The following NAV2 variants were observed in gnomAD, a reference collection of about 807,000 sequenced individuals.
The protein encoded by NAV2 is helicase, APC down-regulated 1.
NAV2 carries 54 observed loss-of-function variants against 223.2 expected under a neutral mutation model. That is an observed-to-expected ratio of 0.24 (90% CI 0.19 to 0.30). The LOEUF (loss-of-function observed/expected upper bound fraction) is 0.30, where lower values mean the gene tolerates loss of function less well. NAV2 is among the 10% of genes least tolerant of loss of function. The probability of loss-of-function intolerance (pLI) is 1.00; values close to 1 mark genes in which losing one functional copy is unlikely to be tolerated. For synonymous variants in NAV2, 1,279 were observed against 1,239.3 expected (o/e 1.03, Z -0.67); for missense variants, 2,806 against 3,147.5 (o/e 0.89, Z 2.60).
chr11:19,535,675 G>A (rs1405385298), intron 1 of NAV2, among the ~76,000 whole-genome samples: 1 of 152,080 alleles, frequency 6.6e-6, no homozygotes, highest in Non-Finnish European at 1.5e-5. Flanking sequence ...TGATCACAGG[G>A]TCTCATCATT....
At chr11:19,391,612 G>A (rs991794891) in intron 1 of NAV2, among the ~76,000 whole-genome samples, 8 of 152,060 alleles carry the variant, frequency 5.3e-5, no homozygotes, top group Non-Finnish European at 1.0e-4. Flanking sequence ...TTTAAATTTG[G>A]GTGTTGCTAG....
chr11:19,663,629 T>C (rs1291387857), intron 1 of NAV2, among the ~76,000 whole-genome samples: 5 of 152,144 alleles, frequency 3.3e-5, no homozygotes, highest in Non-Finnish European at 7.4e-5. Context: ...TTTTTCCAGC[T>C]CTCATTGCTT....
At chr11:19,622,608 A>G (rs1157071486) in intron 1 of NAV2, among the ~76,000 whole-genome samples, 1 of 151,668 alleles carries the variant, frequency 6.6e-6, no homozygotes, top group Non-Finnish European at 1.5e-5. Flanking sequence ...TTTGTTTTCC[A>G]TTTGCTTGGT....
intron 1 of NAV2, among the ~76,000 whole-genome samples, chr11:19,446,502 G>A (rs1313282497): frequency 6.6e-6 from 1 of 152,148 alleles, no homozygotes; most frequent in Non-Finnish European, 1.5e-5. Flanking sequence ...CTGCCTCAGT[G>A]GGCAGCTCTC....
At chr11:19,676,668 G>T (rs2048720341) in intron 1 of NAV2, among the ~76,000 whole-genome samples, 1 of 152,202 alleles carries the variant, frequency 6.6e-6, no homozygotes, top group Non-Finnish European at 1.5e-5. Context: ...GGAGGCATCT[G>T]CTGGGTAGAA....
intron 1 of NAV2, among the ~76,000 whole-genome samples, chr11:19,810,732 C>T (rs1309168861): frequency 6.6e-6 from 1 of 152,184 alleles, no homozygotes; most frequent in Non-Finnish European, 1.5e-5. Flanking sequence ...TGTTAATAAA[C>T]ACACCTGGGC....
At chr11:19,902,750 A>G (rs1482673711) in intron 6 of NAV2, among the ~76,000 whole-genome samples, 1 of 152,210 alleles carries the variant, frequency 6.6e-6, no homozygotes, top group Non-Finnish European at 1.5e-5. Context: ...TCAAGCTCTC[A>G]TCTGTAGTCA....
chr11:19,888,482 G>A (rs529588026), intron 5 of NAV2, among the ~76,000 whole-genome samples: 11 of 152,272 alleles, frequency 7.2e-5, no homozygotes, highest in Admixed American at 2.6e-4. Flanking sequence ...TGATACACAA[G>A]GATGTTACCA....
chr11:19,673,969 C>T (rs540275994), intron 1 of NAV2, among the ~76,000 whole-genome samples: 11 of 152,282 alleles, frequency 7.2e-5, no homozygotes, highest in Non-Finnish European at 1.5e-4. Flanking sequence ...TGGGGCCAGG[C>T]GCCTCCTCCA....
chr11:19,976,125 C>A (rs2049718453), intron 10 of NAV2, among the ~76,000 whole-genome samples: 1 of 152,192 alleles, frequency 6.6e-6, no homozygotes, highest in African/African-American at 2.4e-5. Context: ...ACTCCTGGAT[C>A]ATCTGTGCTC....
At chr11:19,459,123 AT>A (rs903890443) in intron 1 of NAV2, among the ~76,000 whole-genome samples, 8 of 152,190 alleles carry the variant, frequency 5.3e-5, no homozygotes, top group African/African-American at 1.9e-4. Flanking sequence ...TTATAAGGAA[AT>A]TTCCAGTTGT....
At chr11:19,778,541 A>C (rs1167054628) in intron 1 of NAV2, among the ~76,000 whole-genome samples, 1 of 152,172 alleles carries the variant, frequency 6.6e-6, no homozygotes, top group Non-Finnish European at 1.5e-5. Flanking sequence ...AAACAAAAAG[A>C]AAGAAAGAAA....
intron 5 of NAV2, among the ~76,000 whole-genome samples, chr11:19,883,091 A>T (rs12279477): frequency 1.3e-5 from 2 of 152,124 alleles, no homozygotes; most frequent in African/African-American, 2.4e-5. Context: ...TTAATGTCAA[A>T]TGTTGATGCA....
At position 19,494,676 on chromosome 11, in the gene NAV2, C is replaced by T. The variant is rs569261318; in HGVS notation, c.75+143649C>T. On this transcript the variant is annotated intron_variant, in intron 1 of 37. Coordinates refer to the NAV2 transcript ENST00000360655. ...TTATAAGGATACAAAGACCCCACCC[C>T]GGGTTTCCTGAGTCTCTGGAAGATG... Among the ~76,000 whole-genome samples the T allele has an allele frequency of 1.8e-3, 277 of 152,268 alleles. 3 individuals carry two copies. The South Asian group carries it at 0.024, about 13-fold the overall frequency.
intron 8 of NAV2, 40 bp from the exon 9 acceptor site, chr11:19,946,361 G>C (rs781107213): frequency 1.5e-5 from 23 of 1,556,720 alleles, no homozygotes; most frequent in Middle Eastern, 1.7e-4. Flanking sequence ...GCTCATGGTT[G>C]GTCAGAGAAT....
intron 26 of NAV2, among the ~76,000 whole-genome samples, chr11:20,085,265 A>G (rs2060363026): frequency 6.6e-6 from 1 of 152,096 alleles, no homozygotes; most frequent in East Asian, 1.9e-4. Context: ...GACATGACAT[A>G]GTACAGTTCA....
chr11:19,797,404 C>A (rs930547597), intron 1 of NAV2, among the ~76,000 whole-genome samples: 2 of 152,222 alleles, frequency 1.3e-5, no homozygotes, highest in Non-Finnish European at 2.9e-5. Flanking sequence ...TTGCACAGTT[C>A]AGAAGGCTAA....
intron 1 of NAV2, among the ~76,000 whole-genome samples, chr11:19,795,010 C>A (rs2057789095): frequency 6.6e-6 from 1 of 152,140 alleles, no homozygotes; most frequent in Non-Finnish European, 1.5e-5. Flanking sequence ...TACTCAGTAC[C>A]CTATGGAGTA....
intron 3 of NAV2, among the ~76,000 whole-genome samples, chr11:19,862,660 G>A (rs555733260): frequency 2.4e-4 from 36 of 152,268 alleles, no homozygotes; most frequent in Middle Eastern, 6.8e-3. Flanking sequence ...TGTAGTGTCA[G>A]GACCCCGCAA....
Sources: allele counts gnomAD v4.1 joint callset (sites outside exome capture counted in the v4.1 genomes callset), GRCh38; gene constraint gnomAD v4.1.1; transcripts MANE v1.5; gene names NCBI Gene and HGNC (gene_info 2026-07-23, HGNC 2026-07-21).